Variants in SPRING1 observed in about 807,000 individuals in gnomAD.
The protein encoded by SPRING1 is SREBF pathway regulator in golgi 1.
SPRING1 carries 14 observed loss-of-function variants against 24.7 expected under a neutral mutation model. The observed-to-expected ratio is 0.57, with a 90% CI of 0.37 to 0.88. The LOEUF is 0.88. Ranked by LOEUF, SPRING1 falls within the 40% of genes least tolerant of loss-of-function variation. The pLI, the probability that SPRING1 is intolerant of heterozygous loss-of-function variation, is 0.00. For missense variants in SPRING1, 255 were observed against 268.4 expected, an observed-to-expected ratio of 0.95 and a Z score of 0.35; for synonymous variants, 93 against 106.1, an observed-to-expected ratio of 0.88 and a Z score of 0.76.
intron 1 of SPRING1, among the ~76,000 whole-genome samples, chr12:116,723,942 T>C (rs1355438224): frequency 1.3e-5 from 2 of 152,160 alleles, no homozygotes; most frequent in Non-Finnish European, 2.9e-5. Flanking sequence ...GGAGCCAGCT[T>C]ACAAAACTGC....
intron 2 of SPRING1, 45 bp downstream of exon 2, chr12:116,723,022 G>A (rs764835803): frequency 1.2e-6 from 2 of 1,610,352 alleles, no homozygotes; most frequent in Admixed American, 1.7e-5. Context: ...GGCCCAACCA[G>A]CCTACGCTCC....
In SPRING1 at chr12:116,713,403, T is replaced by A. The variant is rs953381445; in HGVS notation, c.*4407A>T. On this transcript the variant is annotated 3_prime_UTR_variant, in exon 5 of 5. Coordinates refer to ENST00000261318, the MANE Select transcript of SPRING1 (RefSeq NM_024738.4). Reference sequence around the variant, plus strand: ...AGTCACGAATAGGCATTTCACCATATGTACATGATAAATGGCCAATCAAAA... The same window carrying A: ...AGTCACGAATAGGCATTTCACCATAAGTACATGATAAATGGCCAATCAAAA... 6.6e-6 allele frequency: 1 copy of A among 152,224 alleles called. No individual in the cohort carries two copies. The highest frequency in any genetic ancestry group is 2.4e-5 in the African/African-American group (1 of 41,454). 9.4% of individuals were successfully genotyped at this position (152,224 alleles called of 1,614,324 possible).
Position 116,737,773 on chromosome 12 carries a change from G to A in SPRING1, c.111+17C>T. 1 of 1,445,084 alleles carries A rather than the reference G, an allele frequency of 6.9e-7. No homozygotes were observed. 89.5% of individuals were successfully genotyped at this position (1,445,084 alleles called of 1,614,324 possible). A position where few individuals can be genotyped will look rare whatever the true frequency, so the allele number is the denominator to read the frequency against. ...AAGGAAGAAGGGAAGGGGAGGAGGG[G>A]AAGGGCGGCCACTGACCTGCTTGAA... On this transcript the variant is annotated intron_variant, in intron 1 of 4. Coordinates refer to ENST00000261318, the MANE Select transcript of SPRING1 (RefSeq NM_024738.4).
rs528699347 is a variant in SPRING1, at chr12:116,731,573, A to C, written c.111+6217T>G. On this transcript the variant is annotated intron_variant, in intron 1 of 4. Transcript: ENST00000261318. The stretch of plus-strand genomic sequence containing the variant: ...AGCCTGGAAAAAATAATGAGGGCCC[A>C]TATCTACCAAAAAAATAAATTAATT... 2.0e-5 allele frequency among the ~76,000 whole-genome samples: 3 copies of C among 152,228 alleles called. No homozygotes were observed. In the South Asian group the frequency reaches 6.2e-4, roughly 32 times the overall value.
intron 1 of SPRING1, among the ~76,000 whole-genome samples, chr12:116,724,256 T>A (rs1870575673): frequency 6.6e-6 from 1 of 152,242 alleles, no homozygotes. Context: ...ATCTTTATCG[T>A]TACTAAAATT....
chr12:116,720,447 C>A lies in SPRING1; in HGVS notation c.269G>T (p.Gly90Val). The change falls in exon 3 of 5, where the codon GGC (glycine) becomes GTC (valine). Residue 90 changes from glycine (G) to valine (V), a missense_variant and splice_region_variant. Physicochemically the swap from Gly to Val is moderately radical, Grantham distance 109. Transcript: ENST00000261318. The surrounding 1 kb of genome is among the most constrained non-coding windows in gnomAD (Gnocchi z 4.0). ...QGKHLITDEL[G>V]YVCERKDLLV... ...CAAATCCTTCCTCTCGCAAACGTAG[C>A]CTGAAAGTCAGAGACCAACCTTAGC... 1 of 1,613,762 alleles carries A rather than the reference C, an allele frequency of 6.2e-7. No homozygotes were observed. Among genetic ancestry groups the A allele is most frequent in the Non-Finnish European group, 8.5e-7 (1 of 1,179,812 alleles).
intron 1 of SPRING1, among the ~76,000 whole-genome samples, chr12:116,735,148 G>A (rs1487642746): frequency 1.3e-5 from 2 of 152,146 alleles, no homozygotes; most frequent in Non-Finnish European, 2.9e-5. Flanking sequence ...GAATGAAGTG[G>A]CTTTAATACC....
rs1306130545 is a variant in SPRING1, at chr12:116,714,117, C to T, written c.*3693G>A. On this transcript the variant is annotated 3_prime_UTR_variant, in exon 5 of 5. Transcript: ENST00000261318. The stretch of plus-strand genomic sequence containing the variant: ...TGCTCACATCGACACCTCACAGTGA[C>T]CCTGAGAGGCAGATGCTGTGACCCC... The T allele has an allele frequency of 6.6e-6, 1 of 152,084 alleles. No individual in the cohort carries two copies. 9.4% of individuals were successfully genotyped at this position (152,084 alleles called of 1,614,324 possible). A position where few individuals can be genotyped will look rare whatever the true frequency, so the allele number is the denominator to read the frequency against.
At chr12:116,734,456 G>A (rs140458500) in intron 1 of SPRING1, among the ~76,000 whole-genome samples, 11 of 152,298 alleles carry the variant, frequency 7.2e-5, no homozygotes, top group Non-Finnish European at 1.6e-4. Flanking sequence ...TTGTAGGGAA[G>A]GTGACAGAGT....
chr12:116,719,544 G>C (rs1452050740), intron 4 of SPRING1, among the ~76,000 whole-genome samples: 2 of 152,176 alleles, frequency 1.3e-5, no homozygotes, highest in Admixed American at 1.3e-4. Flanking sequence ...GATGCCAGTT[G>C]ATTAGACCTT....
intron 4 of SPRING1, among the ~76,000 whole-genome samples, chr12:116,718,485 T>C (rs564226362): frequency 6.6e-6 from 1 of 152,380 alleles, no homozygotes; most frequent in East Asian, 1.9e-4. Context: ...GGTTTTTGGC[T>C]AGTCTAGAAT....
intron 1 of SPRING1, among the ~76,000 whole-genome samples, chr12:116,733,045 G>A (rs796104014): frequency 2.8e-4 from 42 of 152,294 alleles, no homozygotes; most frequent in African/African-American, 8.4e-4. Context: ...TAATAAAGAT[G>A]GGGAATAAAT....
In SPRING1 at chr12:116,723,075, T is replaced by C; in HGVS notation, c.260A>G (p.Asp87Gly). 1.2e-6 allele frequency: 2 copies of C among 1,612,378 alleles called. No individual in the cohort carries two copies. The highest frequency in any genetic ancestry group is 1.7e-6 in the Non-Finnish European group (2 of 1,180,026). Residue 87 changes from aspartate (D) to glycine (G), a missense_variant, in exon 2 of 5, where the codon GAT becomes GGT. Transcript: ENST00000261318. The stretch of plus-strand genomic sequence containing the variant: ...AGGGAAGCCAGCCTCACCGAGTTCA[T>C]CCGTGATGAGGTGCTTCCCTTGAAT... ...NSIQGKHLIT[D>G]ELGYVCERKD...
rs763715534 is a variant in SPRING1, at chr12:116,737,861, G to A, written c.40C>T (p.Arg14Trp). The A allele has an allele frequency of 5.1e-6, 8 of 1,581,792 alleles. No homozygotes were observed. In the Admixed American group the frequency reaches 7.0e-5, roughly 14 times the overall value. ...LAAMVWRRLL[R>W]KRWVLALVFG... ...ACCAGGGCGAGCACCCACCTCTTCC[G>A]CAGAAGCCGGCGCCACACCATGGCC... The change falls in exon 1 of 5, where the codon CGG (arginine) becomes TGG (tryptophan). Residue 14 changes from arginine (R) to tryptophan (W), a missense_variant. Physicochemically the swap from Arg to Trp is moderately radical, Grantham distance 101 (BLOSUM62 -3). Transcript: ENST00000261318.
At chr12:116,723,604 C>T (rs1389237457) in intron 1 of SPRING1, among the ~76,000 whole-genome samples, 1 of 152,156 alleles carries the variant, frequency 6.6e-6, no homozygotes, top group African/African-American at 2.4e-5. Flanking sequence ...TGGAACAGAA[C>T]TTAAAATGTG....
In SPRING1 at chr12:116,728,975, C is replaced by T. The variant is rs1445327718; in HGVS notation, c.112-5752G>A. Among the ~76,000 whole-genome samples, 1 of 152,116 alleles carries T rather than the reference C, an allele frequency of 6.6e-6. No individual in the cohort carries two copies. Among genetic ancestry groups the T allele is most frequent in the Non-Finnish European group, 1.5e-5 (1 of 68,030 alleles). Reference sequence around the variant, plus strand: ...TTTATGTGAGTTATGGCTATTGATGCTTACCATATTGAAAATTAAAACATA... The same window carrying T: ...TTTATGTGAGTTATGGCTATTGATGTTTACCATATTGAAAATTAAAACATA... On this transcript the variant is annotated intron_variant, in intron 1 of 4. Coordinates refer to ENST00000261318, the MANE Select transcript of SPRING1 (RefSeq NM_024738.4). This position sits in a 1 kb window ranked among gnomAD's most constrained non-coding sequence, Gnocchi z 4.2.
Position 116,733,848 on chromosome 12 carries a change from C to T in SPRING1, c.111+3942G>A, listed in dbSNP as rs540796196. Among the ~76,000 whole-genome samples the T allele has an allele frequency of 6.6e-5, 10 of 152,256 alleles. No homozygotes were observed. The South Asian group carries it at 1.5e-3, about 22-fold the overall frequency. On this transcript the variant is annotated intron_variant, in intron 1 of 4. Coordinates refer to ENST00000261318, the MANE Select transcript of SPRING1 (RefSeq NM_024738.4). ...CTTCCAGTCCTGCAAGCTCCACTCACGGTAAGTGTTCTTTATGGGCGTACC... is the reference window on the plus strand; with the variant it reads ...CTTCCAGTCCTGCAAGCTCCACTCATGGTAAGTGTTCTTTATGGGCGTACC...
chr12:116,728,333 T>C lies in SPRING1; in HGVS notation c.112-5110A>G, dbSNP rs1870802116. 6.6e-6 allele frequency among the ~76,000 whole-genome samples: 1 copy of C among 152,192 alleles called. No individual in the cohort carries two copies. Among genetic ancestry groups the C allele is most frequent in the South Asian group, 2.1e-4 (1 of 4,832 alleles). ...TATAGGCTCTTGGAGGGGAGAGACG[T>C]CATCTGCTTTGCCCACTCTGTCTCT... is the stretch of plus-strand genomic sequence containing the variant. On this transcript the variant is annotated intron_variant, in intron 1 of 4. Transcript: ENST00000261318. This position sits in a 1 kb window ranked among gnomAD's most constrained non-coding sequence, Gnocchi z 4.2.
chr12:116,710,320 T>C lies in SPRING1; in HGVS notation c.*7490A>G, dbSNP rs745958685. ...GGGCTGGGAATCTAATTTGGCACAA[T>C]TTAATTTCTTTGTAAGTTCATACAT... is the stretch of plus-strand genomic sequence containing the variant. On this transcript the variant is annotated 3_prime_UTR_variant, in exon 5 of 5. Coordinates refer to ENST00000261318, the MANE Select transcript of SPRING1 (RefSeq NM_024738.4). The C allele has an allele frequency of 6.6e-6, 1 of 152,220 alleles. No homozygotes were observed. Among genetic ancestry groups the C allele is most frequent in the Non-Finnish European group, 1.5e-5 (1 of 68,042 alleles). 9.4% of individuals were successfully genotyped at this position (152,220 alleles called of 1,614,324 possible).
Sources: gnomAD v4.1 joint callset for allele counts (sites outside exome capture counted in the v4.1 genomes callset) on GRCh38, gnomAD v4.1.1 for gene constraint, Gnocchi (gnomAD v3.1) non-coding constraint, MANE v1.5 for transcripts, NCBI Gene and HGNC (gene_info 2026-07-23, HGNC 2026-07-21) for gene names.